BACE2: variants seen among roughly 807,000 people sequenced by gnomAD.
BACE2 encodes 56 kDa aspartic-like protease.
Under a neutral mutation model 46.2 loss-of-function variants are expected in BACE2, and 17 were observed. The observed-to-expected ratio is 0.37, with a 90% CI of 0.25 to 0.55. The LOEUF (loss-of-function observed/expected upper bound fraction) is 0.55. BACE2 is among the 20% of genes least tolerant of loss of function. BACE2 has a pLI of 0.82. For missense variants in BACE2, 595 were observed against 698.1 expected, an observed-to-expected ratio of 0.85 and a Z score of 1.66; for synonymous variants, 277 against 295.9, an observed-to-expected ratio of 0.94 and a Z score of 0.66.
chr21:41,184,543 A>G (rs1382478774), intron 1 of BACE2: 1 of 167,054 alleles, frequency 6.0e-6, no homozygotes, highest in Non-Finnish European at 1.5e-5. Flanking sequence ...ACTACTTTCC[A>G]CAGTGGACAC....
In BACE2 at chr21:41,276,241, C is replaced by T. The variant is rs1471175833; in HGVS notation, c.*617C>T. 2 of 152,806 alleles carry T rather than the reference C, an allele frequency of 1.3e-5. No homozygotes were observed. The highest frequency in any genetic ancestry group is 2.9e-5 in the Non-Finnish European group (2 of 68,502). The allele number at this position is 152,806 out of a possible 1,614,324, so 9.5% of individuals were successfully genotyped here. ...CCAGAATTCACTAGGAGGTCATCAA[C>T]CGATGGTCCTCACAAGCCTCTTCTG... On this transcript the variant is annotated 3_prime_UTR_variant, in exon 9 of 9. Coordinates refer to ENST00000330333, the MANE Select transcript of BACE2 (RefSeq NM_012105.5).
At chr21:41,201,817 A>AT (rs1404468790) in intron 1 of BACE2, among the ~76,000 whole-genome samples, 7 of 152,224 alleles carry the variant, frequency 4.6e-5, no homozygotes, top group African/African-American at 1.7e-4. Flanking sequence ...GTGGAGGGAG[A>AT]TAATGTTTGA....
rs200999949 is a variant in BACE2 at position 41,275,583 on chromosome 21, G to A, written c.1516G>A (p.Val506Ile). 201 of 1,613,880 alleles carry A rather than the reference G, an allele frequency of 1.2e-4. No homozygotes were observed. Among genetic ancestry groups the A allele is most frequent in the Non-Finnish European group, 1.6e-4 (193 of 1,180,032 alleles). The change falls in exon 9 of 9, where the codon GTC (valine) becomes ATC (isoleucine). Residue 506 changes from valine to isoleucine, a missense_variant. Transcript: ENST00000330333. ...CQRRPRDPEV[V>I]NDESSLVRHR... ...GCGTCGCCCCCGTGACCCTGAGGTC[G>A]TCAATGATGAGTCCTCTCTGGTCAG... is the stretch of plus-strand genomic sequence containing the variant.
intron 8 of BACE2, 39 bp downstream of exon 8, chr21:41,257,365 A>G: frequency 6.2e-7 from 1 of 1,604,944 alleles, no homozygotes; most frequent in Non-Finnish European, 8.5e-7. Flanking sequence ...CCCCGACAAG[A>G]GTCCTTTATG....
In BACE2 at chr21:41,210,539, C is replaced by T. The variant is rs556517104; in HGVS notation, c.313-15727C>T. ...TTTCTCCAGCAGCTAAAACACTCAC[C>T]GGCCCGGAGATCAGCCAGATTCAAA... is the stretch of plus-strand genomic sequence containing the variant. On this transcript the variant is annotated intron_variant, in intron 1 of 8. Transcript: ENST00000330333. Among the ~76,000 whole-genome samples, 24 of 152,252 alleles carry T rather than the reference C, an allele frequency of 1.6e-4. 1 individual carries two copies. The South Asian group carries it at 4.6e-3, about 29-fold the overall frequency.
intron 1 of BACE2, among the ~76,000 whole-genome samples, chr21:41,217,072 C>T (rs956056343): frequency 6.6e-6 from 1 of 152,176 alleles, no homozygotes; most frequent in Non-Finnish European, 1.5e-5. Flanking sequence ...GCTGGGATTA[C>T]AGGTGTGTGC....
intron 2 of BACE2, among the ~76,000 whole-genome samples, chr21:41,227,082 G>A (rs565346381): frequency 6.6e-6 from 1 of 152,240 alleles, no homozygotes; most frequent in Admixed American, 6.5e-5. Flanking sequence ...GCAGGAGCCC[G>A]TGGGGTCTAG....
chr21:41,260,793 C>T (rs76228446), intron 8 of BACE2, among the ~76,000 whole-genome samples: 6,664 of 152,194 alleles, frequency 0.044, 195 homozygotes, highest in Middle Eastern at 0.079. Flanking sequence ...GAGGGGACGA[C>T]GCAGGTAAAT....
At chr21:41,263,306 T>C (rs958731854) in intron 8 of BACE2, among the ~76,000 whole-genome samples, 2 of 152,230 alleles carry the variant, frequency 1.3e-5, no homozygotes, top group Non-Finnish European at 2.9e-5. Flanking sequence ...GAAATGAGTA[T>C]GTAAGTGTGC....
intron 1 of BACE2, among the ~76,000 whole-genome samples, chr21:41,199,725 G>T (rs1469317892): frequency 6.6e-6 from 1 of 152,156 alleles, no homozygotes; most frequent in East Asian, 1.9e-4. Context: ...TCTAGCTTCT[G>T]AAAGCAGAGC....
In BACE2 at chr21:41,199,489, C is replaced by T. The variant is rs1434807550; in HGVS notation, c.313-26777C>T. ...ACGGAAGTGTCTTGTCTGGGTGCCC[C>T]GGGGAAAGTAGTACCACCCAGTGTC... On this transcript the variant is annotated intron_variant, in intron 1 of 8. Transcript: ENST00000330333. 5.3e-5 allele frequency among the ~76,000 whole-genome samples: 8 copies of T among 152,124 alleles called. No homozygotes were observed. In the East Asian group the frequency reaches 7.7e-4, roughly 15 times the overall value.
At chr21:41,174,332 G>A (rs757923734) in intron 1 of BACE2, among the ~76,000 whole-genome samples, 6 of 151,480 alleles carry the variant, frequency 4.0e-5, no homozygotes, top group South Asian at 2.1e-4. Context: ...TAGTAGAGAC[G>A]GGGTTTCACC....
At chr21:41,272,888 C>T (rs975120962) in intron 8 of BACE2, among the ~76,000 whole-genome samples, 10 of 152,138 alleles carry the variant, frequency 6.6e-5, no homozygotes, top group South Asian at 2.1e-4. Context: ...TGAAACCTAT[C>T]GGGGGAACCT....
intron 8 of BACE2, among the ~76,000 whole-genome samples, chr21:41,269,642 T>C (rs985756586): frequency 5.3e-5 from 8 of 152,244 alleles, no homozygotes; most frequent in South Asian, 2.1e-4. Flanking sequence ...TAAAATTATT[T>C]TGAGGTTCAT....
chr21:41,273,581 T>C (rs879582051), intron 8 of BACE2, among the ~76,000 whole-genome samples: 2 of 152,258 alleles, frequency 1.3e-5, no homozygotes, highest in Non-Finnish European at 2.9e-5. Flanking sequence ...CTTTGTTCCC[T>C]GAACATTGCT....
chr21:41,197,219 C>T lies in BACE2; in HGVS notation c.312+28644C>T, dbSNP rs139712494. Among the ~76,000 whole-genome samples, 375 of 151,594 alleles carry T rather than the reference C, an allele frequency of 2.5e-3. 1 individual carries two copies. Among genetic ancestry groups the T allele is most frequent in the Non-Finnish European group, 3.4e-3 (231 of 67,968 alleles). The stretch of plus-strand genomic sequence containing the variant: ...TAAGGATCCTCCCACCTTCGCCTCC[C>T]GAAGTGCTGTGATTACAGGGATGAG... On this transcript the variant is annotated intron_variant, in intron 1 of 8. Transcript: ENST00000330333.
At chr21:41,272,267 T>A (rs1254003237) in intron 8 of BACE2, among the ~76,000 whole-genome samples, 1 of 152,148 alleles carries the variant, frequency 6.6e-6, no homozygotes, top group Non-Finnish European at 1.5e-5. Flanking sequence ...ATCACTGGTT[T>A]TCAGCAGTGC....
intron 2 of BACE2, among the ~76,000 whole-genome samples, chr21:41,230,899 C>G (rs1430245343): frequency 6.6e-6 from 1 of 152,156 alleles, no homozygotes; most frequent in Non-Finnish European, 1.5e-5. Context: ...AAAATCTCAC[C>G]TCCAGCTAGT....
chr21:41,172,509 G>A (rs1340308806), intron 1 of BACE2, among the ~76,000 whole-genome samples: 1 of 152,234 alleles, frequency 6.6e-6, no homozygotes, highest in Non-Finnish European at 1.5e-5. Flanking sequence ...AGTTTGTCCA[G>A]GGCCACACTA....
Sources: allele counts gnomAD v4.1 joint callset (sites outside exome capture counted in the v4.1 genomes callset), GRCh38; gene constraint gnomAD v4.1.1; transcripts MANE v1.5; gene names NCBI Gene and HGNC (gene_info 2026-07-23, HGNC 2026-07-21).